The following PCDH10 variants were observed in gnomAD, a reference collection of about 807,000 sequenced individuals.
The protein encoded by PCDH10 is protocadherin-10.
PCDH10 carries 15 observed loss-of-function variants against 74.4 expected under a neutral mutation model. The observed-to-expected ratio is 0.20, with a 90% CI of 0.13 to 0.31. The LOEUF (loss-of-function observed/expected upper bound fraction) is 0.31, where lower values mean the gene tolerates loss of function less well. PCDH10 is among the 10% of genes least tolerant of loss of function. PCDH10 has a pLI of 1.00. For synonymous variants in PCDH10, 619 were observed against 589.8 expected (o/e 1.05, Z -0.72); for missense variants, 1,260 against 1,390.2 (o/e 0.91, Z 1.49).
intron 3 of PCDH10, 117 bp downstream of exon 3, chr4:133,155,140 T>C (rs1726838858): frequency 7.3e-6 from 5 of 684,688 alleles, no homozygotes; most frequent in Admixed American, 2.7e-5. Flanking sequence ...CTGGTAACTC[T>C]ACAGAAAAAT....
intron 3 of PCDH10, among the ~76,000 whole-genome samples, chr4:133,159,996 G>T (rs1466482074): frequency 1.3e-5 from 2 of 151,868 alleles, no homozygotes; most frequent in Non-Finnish European, 2.9e-5. Context: ...AAGATAAAAT[G>T]TTAGTTATAC....
intron 3 of PCDH10, among the ~76,000 whole-genome samples, chr4:133,157,390 T>C (rs1290348174): frequency 6.6e-6 from 1 of 152,214 alleles, no homozygotes; most frequent in Non-Finnish European, 1.5e-5. Context: ...GCAGCTAGAC[T>C]ATTTCCAAAA....
intron 4 of PCDH10, among the ~76,000 whole-genome samples, chr4:133,172,163 T>C (rs1196243660): frequency 4.6e-5 from 7 of 152,044 alleles, no homozygotes; most frequent in Non-Finnish European, 8.8e-5. Flanking sequence ...ATACAACTGC[T>C]CCTTCGTTCA....
chr4:133,162,808 T>C (rs1726997043), intron 3 of PCDH10, among the ~76,000 whole-genome samples, 169 bp from the exon 4 acceptor site: 1 of 152,180 alleles, frequency 6.6e-6, no homozygotes, highest in African/African-American at 2.4e-5. Context: ...TTTAAAGTGA[T>C]GAACAAAAAT....
At chr4:133,158,210 C>A (rs928847425) in intron 3 of PCDH10, among the ~76,000 whole-genome samples, 16 of 152,052 alleles carry the variant, frequency 1.1e-4, no homozygotes, top group African/African-American at 3.4e-4. Context: ...ATAATTATTT[C>A]TTCTATTTTA....
chr4:133,202,150 A>G (rs1014186921), intron 2 of PCDH10, among the ~76,000 whole-genome samples: 1 of 152,192 alleles, frequency 6.6e-6, no homozygotes, highest in African/African-American at 2.4e-5. Flanking sequence ...AAAGAGGGCT[A>G]TGCATGAAGT....
chr4:133,197,568 T>C (rs964338333), downstream of PCDH10, among the ~76,000 whole-genome samples: 4 of 152,202 alleles, frequency 2.6e-5, no homozygotes, highest in South Asian at 8.3e-4. Context: ...TTTCTAAGTA[T>C]TCATATTGTG....
intron 4 of PCDH10, among the ~76,000 whole-genome samples, chr4:133,170,397 T>C (rs755392265): frequency 6.6e-5 from 10 of 152,152 alleles, no homozygotes; most frequent in African/African-American, 1.4e-4. Context: ...AAATTATCAA[T>C]GATAACTTTA....
In PCDH10 at chr4:133,150,788, GGGA is replaced by G; in HGVS notation, c.651_653del (p.Gly221del). On this transcript the variant is annotated inframe_deletion, in exon 1 of 5. Transcript: ENST00000264360. The stretch of plus-strand genomic sequence containing the variant: ...GTGGGGGAGGAGTAGGAGAAGGAGG[GGGA>G]GGTGGCGGGGGAGCAGGCCTGCCCC... The G allele has an allele frequency of 6.3e-7, 1 of 1,584,418 alleles. No individual in the cohort carries two copies. The highest frequency in any genetic ancestry group is 1.7e-5 in the Admixed American group (1 of 58,464).
chr4:133,169,238 T>C (rs1727151026), intron 4 of PCDH10, among the ~76,000 whole-genome samples: 1 of 151,786 alleles, frequency 6.6e-6, no homozygotes, highest in Non-Finnish European at 1.5e-5. Flanking sequence ...TTTCCTCTAG[T>C]TTAGTCACTT....
chr4:133,180,971 CTAAT>C (rs1727403402), intron 4 of PCDH10, among the ~76,000 whole-genome samples: 1 of 151,560 alleles, frequency 6.6e-6, no homozygotes, highest in African/African-American at 2.4e-5. Context: ...TTTCAAATCT[CTAAT>C]TATCTGATGA....
At chr4:133,166,173 G>T (rs1046463745) in intron 4 of PCDH10, among the ~76,000 whole-genome samples, 2 of 151,526 alleles carry the variant, frequency 1.3e-5, no homozygotes, top group African/African-American at 4.8e-5. Context: ...TACACTCAAA[G>T]ATTGAGTAAA....
In PCDH10 at chr4:133,150,749, G is replaced by C; in HGVS notation, c.609G>C (p.Ala203=). 1 of 1,605,600 alleles carries C rather than the reference G, an allele frequency of 6.2e-7. No homozygotes were observed. Among genetic ancestry groups the C allele is most frequent in the East Asian group, 2.2e-5 (1 of 44,676 alleles). The part of the protein sequence containing the change: ...QQAVHRYVLT[A]VDGGGGGGVG... ...CGGTGCACCGCTACGTGCTGACCGC[G>C]GTGGACGGAGGAGGTGGGGGAGGAG... Residue 203 remains alanine (A), a synonymous_variant, in exon 1 of 5, where the codon GCG becomes GCC. Coordinates refer to ENST00000264360, the MANE Select transcript of PCDH10 (RefSeq NM_032961.3).
intron 1 of PCDH10, chr4:133,153,551 T>C (rs928008880): frequency 3.9e-5 from 6 of 152,240 alleles, no homozygotes; most frequent in African/African-American, 1.4e-4. Context: ...TAAAAGAATT[T>C]GGCTTGTCAA....
chr4:133,153,202 G>C, intron 1 of PCDH10: 1 of 1,067,434 alleles, frequency 9.4e-7, no homozygotes, highest in African/African-American at 1.7e-5. Context: ...TTTGTTTAAC[G>C]ATGCTTTTAG....
chr4:133,154,881 TTTTTTA>T, intron 2 of PCDH10, 30 bp from the exon 3 acceptor site: 4 of 1,387,240 alleles, frequency 2.9e-6, no homozygotes, highest in Non-Finnish European at 3.1e-6. Context: ...TTTCTTCACC[TTTTTTA>T]TTCTAATATT....
intron 2 of PCDH10, among the ~76,000 whole-genome samples, chr4:133,204,007 C>G (rs1464135181): frequency 6.6e-6 from 1 of 152,142 alleles, no homozygotes; most frequent in East Asian, 1.9e-4. Context: ...GTTGCATTAC[C>G]TCTCCACTGT....
At chr4:133,157,210 C>T (rs1195390768) in intron 3 of PCDH10, among the ~76,000 whole-genome samples, 1 of 152,124 alleles carries the variant, frequency 6.6e-6, no homozygotes, top group African/African-American at 2.4e-5. Flanking sequence ...GTGATTGCAC[C>T]TTTGTGTGCT....
chr4:133,198,022 T>C (rs1053575153), downstream of PCDH10, among the ~76,000 whole-genome samples: 2 of 147,798 alleles, frequency 1.4e-5, no homozygotes, highest in African/African-American at 5.0e-5. Flanking sequence ...GGAAAGGTAA[T>C]AACAGGCTCA....
Sources: allele counts gnomAD v4.1 joint callset (sites outside exome capture counted in the v4.1 genomes callset), GRCh38; gene constraint gnomAD v4.1.1; transcripts MANE v1.5; gene names NCBI Gene and HGNC (gene_info 2026-07-23, HGNC 2026-07-21).